Variants in SASH1 observed in about 807,000 individuals in gnomAD.
SASH1 encodes SAM and SH3 domain-containing protein 1.
In SASH1, 44 loss-of-function variants were observed where a neutral mutation model predicts 125.2. The observed-to-expected ratio is 0.35, with a 90% CI of 0.28 to 0.45. SASH1 has a LOEUF of 0.45. Among genes scored for constraint, SASH1 ranks in the 20% least tolerant of loss-of-function variants. The pLI is 1.00. For synonymous variants in SASH1, 639 were observed against 649.1 expected (o/e 0.98, Z 0.24); for missense variants, 1,426 against 1,614.5 (o/e 0.88, Z 2.00).
the SASH1 span, among the ~76,000 whole-genome samples, chr6:148,214,231 C>T: frequency 6.6e-6 from 1 of 152,106 alleles, no homozygotes; most frequent in Non-Finnish European, 1.5e-5. Context: ...TTGACAGAAA[C>T]TGATGGTGCG....
At chr6:148,435,589 GT>G (rs946311517) in intron 2 of SASH1, among the ~76,000 whole-genome samples, 6 of 152,024 alleles carry the variant, frequency 3.9e-5, no homozygotes, top group African/African-American at 1.5e-4. Context: ...CAAATTCTTG[GT>G]GGTTGAGCCA....
chr6:148,239,303 A>C, the SASH1 span, among the ~76,000 whole-genome samples: 2 of 152,204 alleles, frequency 1.3e-5, no homozygotes, highest in Admixed American at 1.3e-4. Flanking sequence ...TCCAATAGGA[A>C]TATAATAATC....
chr6:148,441,929 C>G (rs1192975043), intron 4 of SASH1, among the ~76,000 whole-genome samples: 1 of 152,148 alleles, frequency 6.6e-6, no homozygotes, highest in African/African-American at 2.4e-5. Context: ...CCCACTGTCT[C>G]CATTTGTAAT....
At chr6:148,278,346 T>A (rs1025498558) in intron 1 of SASH1, among the ~76,000 whole-genome samples, 2 of 152,130 alleles carry the variant, frequency 1.3e-5, no homozygotes, top group African/African-American at 4.8e-5. Context: ...CGGGAGAGGC[T>A]TATTAAATGT....
At chr6:148,299,367 A>T (rs1779869826) in intron 1 of SASH1, among the ~76,000 whole-genome samples, 1 of 151,248 alleles carries the variant, frequency 6.6e-6, no homozygotes, top group African/African-American at 2.4e-5. Context: ...AGATATTCTG[A>T]TATCATTAAA....
intron 1 of SASH1, among the ~76,000 whole-genome samples, chr6:148,365,274 G>A (rs1018297030): frequency 3.9e-5 from 6 of 152,144 alleles, no homozygotes; most frequent in Admixed American, 3.3e-4. Context: ...CGTATGGTCT[G>A]TTGACATTGC....
chr6:148,308,594 C>T (rs1780209164), intron 1 of SASH1, among the ~76,000 whole-genome samples: 1 of 151,374 alleles, frequency 6.6e-6, no homozygotes, highest in Admixed American at 6.6e-5. Flanking sequence ...TAGGGTTTCA[C>T]CACGTTGGTG....
At chr6:148,263,014 G>A in the SASH1 span, among the ~76,000 whole-genome samples, 1 of 152,148 alleles carries the variant, frequency 6.6e-6, no homozygotes, top group Non-Finnish European at 1.5e-5. Flanking sequence ...AACCTCTGGG[G>A]GAGGCAATGG....
At chr6:148,221,427 A>G in the SASH1 span, among the ~76,000 whole-genome samples, 1 of 152,242 alleles carries the variant, frequency 6.6e-6, no homozygotes. Context: ...TATGCAAGGA[A>G]GTGAATAGAT....
At chr6:148,230,004 G>A in the SASH1 span, among the ~76,000 whole-genome samples, 3 of 152,036 alleles carry the variant, frequency 2.0e-5, no homozygotes, top group East Asian at 1.9e-4. Flanking sequence ...GAGCCACCAC[G>A]CCTGGCCAGC....
chr6:148,445,592 TC>T (rs1229563887), intron 4 of SASH1, among the ~76,000 whole-genome samples: 1 of 152,184 alleles, frequency 6.6e-6, no homozygotes, highest in African/African-American at 2.4e-5. Flanking sequence ...ATGACTCAAG[TC>T]GGCCTTCAGA....
chr6:148,386,178 C>T (rs1034989459), intron 1 of SASH1, among the ~76,000 whole-genome samples: 1 of 152,114 alleles, frequency 6.6e-6, no homozygotes, highest in Non-Finnish European at 1.5e-5. Flanking sequence ...CCCTGCCCAA[C>T]CATGTCTGGT....
At chr6:148,492,827 TATAAATAAATAAATAAATAAATAAATAA>T (rs4052629) in intron 8 of SASH1, among the ~76,000 whole-genome samples, 9 of 145,522 alleles carry the variant, frequency 6.2e-5, no homozygotes, top group African/African-American at 2.3e-4. Flanking sequence ...TCTCATAAAA[TATAAATAAATAAATAAATAAATAAATAA>T]ATAAATAAAT....
At position 148,467,423 on chromosome 6, in the gene SASH1, A is replaced by C. The variant is rs116609484; in HGVS notation, c.387-1122A>C. 3.2e-3 allele frequency among the ~76,000 whole-genome samples: 487 copies of C among 152,070 alleles called. 2 individuals carry two copies. The highest frequency in any genetic ancestry group is 0.011 in the African/African-American group (453 of 41,474). On this transcript the variant is annotated intron_variant, in intron 4 of 19. Transcript: ENST00000367467. ...TCTTTCTTTAAATTTTGTTTGTCTA[A>C]GTTTTTTTCTGGAGAAATGCTTAAT...
At chr6:148,432,368 A>G (rs933048018) in intron 2 of SASH1, among the ~76,000 whole-genome samples, 1 of 152,204 alleles carries the variant, frequency 6.6e-6, no homozygotes, top group Non-Finnish European at 1.5e-5. Flanking sequence ...AAGAACACAT[A>G]TAATGTAGTT....
upstream of SASH1, among the ~76,000 whole-genome samples, chr6:148,269,235 A>G (rs912457273): frequency 2.0e-5 from 3 of 152,188 alleles, no homozygotes; most frequent in African/African-American, 7.2e-5. Flanking sequence ...TTGAGCAAGA[A>G]CAGAGCTATG....
At chr6:148,282,317 T>C (rs916062162) in intron 1 of SASH1, among the ~76,000 whole-genome samples, 1 of 152,206 alleles carries the variant, frequency 6.6e-6, no homozygotes, top group African/African-American at 2.4e-5. Context: ...GCTCTTCCCA[T>C]TCAACCTCCT....
chr6:148,475,568 C>T (rs889766307), intron 7 of SASH1, among the ~76,000 whole-genome samples: 7 of 152,280 alleles, frequency 4.6e-5, no homozygotes, highest in South Asian at 2.1e-4. Context: ...CTCTTAACAC[C>T]GCCACAACAA....
intron 6 of SASH1, among the ~76,000 whole-genome samples, chr6:148,472,484 G>A (rs993726302): frequency 3.3e-5 from 5 of 151,300 alleles, no homozygotes; most frequent in Non-Finnish European, 5.9e-5. Context: ...GGGAAAGGGA[G>A]AGGTACAGAG....
Sources: gnomAD v4.1 joint callset for allele counts (sites outside exome capture counted in the v4.1 genomes callset) on GRCh38, gnomAD v4.1.1 for gene constraint, MANE v1.5 for transcripts, NCBI Gene and HGNC (gene_info 2026-07-23, HGNC 2026-07-21) for gene names.